Variants in STPG2 observed in about 807,000 individuals in gnomAD.
STPG2 encodes sperm tail PG-rich repeat containing 2.
STPG2 carries 56 observed loss-of-function variants against 54.2 expected under a neutral mutation model. The ratio of observed to expected loss-of-function variants is 1.03; its 90% CI spans 0.83 to 1.29. The LOEUF is 1.29. Ranked by LOEUF, STPG2 falls within the 50% of genes most tolerant of loss-of-function variation. The probability of loss-of-function intolerance (pLI) is 0.00; values close to 1 mark genes in which losing one functional copy is unlikely to be tolerated. For missense variants in STPG2, 596 were observed against 544.9 expected, an observed-to-expected ratio of 1.09 and a Z score of -0.93; for synonymous variants, 200 against 181.8, an observed-to-expected ratio of 1.10 and a Z score of -0.81.
intron 8 of STPG2, among the ~76,000 whole-genome samples, chr4:97,909,900 T>C (rs1459935662): frequency 2.0e-5 from 3 of 152,208 alleles, no homozygotes; most frequent in Non-Finnish European, 4.4e-5. Context: ...GCACCAGTTT[T>C]ATCCAGCATC....
At chr4:97,800,425 GTTA>G (rs1383799619) in intron 9 of STPG2, among the ~76,000 whole-genome samples, 1 of 152,228 alleles carries the variant, frequency 6.6e-6, no homozygotes, top group Non-Finnish European at 1.5e-5. Context: ...CTGCAGGCCT[GTTA>G]GAGTTTGCTG....
chr4:97,923,615 T>A (rs28772874), intron 8 of STPG2, among the ~76,000 whole-genome samples: 56,113 of 151,290 alleles, frequency 0.37, 10,361 homozygotes, highest in Middle Eastern at 0.46. Context: ...TCAAGGTTTG[T>A]AAATGCACCA....
chr4:97,923,273 C>G (rs1388162309), intron 8 of STPG2, among the ~76,000 whole-genome samples: 1 of 152,082 alleles, frequency 6.6e-6, no homozygotes, highest in African/African-American at 2.4e-5. Context: ...CAGGTGGGAA[C>G]AGGGGCTGTG....
At chr4:97,934,194 A>T (rs1732659273) in intron 8 of STPG2, among the ~76,000 whole-genome samples, 1 of 152,068 alleles carries the variant, frequency 6.6e-6, no homozygotes, top group African/African-American at 2.4e-5. Flanking sequence ...AATACTTGTG[A>T]TTTTTGCACA....
intron 10 of STPG2, among the ~76,000 whole-genome samples, chr4:97,562,756 G>A (rs946996347): frequency 6.6e-5 from 10 of 151,946 alleles, no homozygotes; most frequent in Admixed American, 1.3e-4. Flanking sequence ...ATTGATTTGC[G>A]TATATTGAAC....
intron 10 of STPG2, among the ~76,000 whole-genome samples, chr4:97,664,532 C>T (rs914956691): frequency 4.6e-5 from 7 of 152,138 alleles, no homozygotes; most frequent in Non-Finnish European, 8.8e-5. Flanking sequence ...GACTACCCAT[C>T]TCAGTCACCA....
intron 8 of STPG2, among the ~76,000 whole-genome samples, chr4:97,924,907 C>T (rs752452018): frequency 1.3e-4 from 20 of 152,090 alleles, no homozygotes; most frequent in Non-Finnish European, 2.4e-4. Context: ...CTTGTTGATA[C>T]AAAATGTTGG....
At chr4:97,677,858 A>G (rs1722897542) in intron 10 of STPG2, among the ~76,000 whole-genome samples, 1 of 152,160 alleles carries the variant, frequency 6.6e-6, no homozygotes, top group Non-Finnish European at 1.5e-5. Context: ...TTCTATAGTT[A>G]CTTTTATCTT....
intron 9 of STPG2, among the ~76,000 whole-genome samples, chr4:97,741,445 A>C (rs1462590607): frequency 1.3e-5 from 2 of 151,920 alleles, no homozygotes; most frequent in Non-Finnish European, 1.5e-5. Context: ...AATGGGAGAA[A>C]ATTTTTGCAA....
chr4:98,019,410 G>A (rs1056138355), intron 5 of STPG2, among the ~76,000 whole-genome samples: 2 of 151,696 alleles, frequency 1.3e-5, no homozygotes, highest in Non-Finnish European at 2.9e-5. Context: ...TGATGTTTTG[G>A]TTACTGTAAC....
chr4:97,471,255 A>AGCTACTGTACTTGTT (rs1729919349), intron 4 of STPG2, among the ~76,000 whole-genome samples: 1 of 152,148 alleles, frequency 6.6e-6, no homozygotes, highest in African/African-American at 2.4e-5. Context: ...AGGGGTGGGG[A>AGCTACTGTACTTGTT]GCTACTGTAC....
At chr4:98,019,419 A>G (rs28827812) in intron 5 of STPG2, among the ~76,000 whole-genome samples, 58,904 of 150,354 alleles carry the variant, frequency 0.39, 11,788 homozygotes, top group Middle Eastern at 0.46. Flanking sequence ...GGTTACTGTA[A>G]CCTTGTAGTA....
intron 9 of STPG2, among the ~76,000 whole-genome samples, chr4:97,760,500 C>T (rs1303777918): frequency 6.6e-6 from 1 of 152,024 alleles, no homozygotes; most frequent in East Asian, 1.9e-4. Context: ...TATAGAGAAG[C>T]CACAAGCTTA....
chr4:97,950,523 A>G (rs914049305), intron 7 of STPG2, among the ~76,000 whole-genome samples: 1 of 151,960 alleles, frequency 6.6e-6, no homozygotes, highest in African/African-American at 2.4e-5. Context: ...GTTGGTTTTC[A>G]CCTTTTTCTG....
At chr4:97,764,096 C>A (rs1725967792) in intron 9 of STPG2, among the ~76,000 whole-genome samples, 1 of 147,644 alleles carries the variant, frequency 6.8e-6, no homozygotes, top group Non-Finnish European at 1.5e-5. Flanking sequence ...CAAATCCAAC[C>A]TCCACAACAC....
chr4:97,931,456 T>C (rs904761344), intron 8 of STPG2, among the ~76,000 whole-genome samples: 1 of 152,184 alleles, frequency 6.6e-6, no homozygotes, highest in Non-Finnish European at 1.5e-5. Flanking sequence ...GGTTTTTGTC[T>C]CTAGTTTGGC....
At chr4:97,945,532 T>G (rs1021106220) in intron 7 of STPG2, among the ~76,000 whole-genome samples, 2 of 151,976 alleles carry the variant, frequency 1.3e-5, no homozygotes, top group Admixed American at 6.6e-5. Flanking sequence ...CACATGCAGG[T>G]GTCTTTTTAA....
intron 10 of STPG2, among the ~76,000 whole-genome samples, chr4:97,580,097 C>G (rs1201837533): frequency 6.6e-6 from 1 of 151,900 alleles, no homozygotes; most frequent in African/African-American, 2.4e-5. Context: ...ATAAACTATA[C>G]TAATTAACCG....
rs555560857 is a variant in STPG2, at chr4:98,050,784, TC to T, written c.612+55168del. Reference sequence around the variant, plus strand: ...ACTTTGGGAGGTTGAGGCGGGTGGATCATGAGGTCAGGAGATCAAGACCATC... The same window carrying T: ...ACTTTGGGAGGTTGAGGCGGGTGGATATGAGGTCAGGAGATCAAGACCATC... On this transcript the variant is annotated intron_variant, in intron 5 of 10. Coordinates refer to ENST00000295268, the MANE Select transcript of STPG2 (RefSeq NM_174952.3). Among the ~76,000 whole-genome samples, 99 of 152,108 alleles carry T rather than the reference TC, an allele frequency of 6.5e-4. 1 individual carries two copies. The highest frequency in any genetic ancestry group is 2.3e-3 in the African/African-American group (95 of 41,522).
Sources: gnomAD v4.1 joint callset for allele counts (sites outside exome capture counted in the v4.1 genomes callset) on GRCh38, gnomAD v4.1.1 for gene constraint, MANE v1.5 for transcripts, NCBI Gene and HGNC (gene_info 2026-07-23, HGNC 2026-07-21) for gene names.